Variants in SPOCK1 observed in about 807,000 individuals in gnomAD.
SPOCK1 encodes the protein SPARC (osteonectin), cwcv and kazal like domains proteoglycan 1, also known as testican-1.
Under a neutral mutation model 55.3 loss-of-function variants are expected in SPOCK1, and 23 were observed. The observed-to-expected ratio is 0.42, with a 90% confidence interval of 0.30 to 0.59. The LOEUF (loss-of-function observed/expected upper bound fraction) is 0.59, where lower values mean the gene tolerates loss of function less well. Among genes scored for constraint, SPOCK1 ranks in the 20% least tolerant of loss-of-function variants. SPOCK1 has a pLI of 0.22. For synonymous variants in SPOCK1, 226 were observed against 221.0 expected, an observed-to-expected ratio of 1.02 and a Z score of -0.20; for missense variants, 499 against 552.5, an observed-to-expected ratio of 0.90 and a Z score of 0.97.
chr5:137,081,555 T>C (rs996345662), intron 5 of SPOCK1, among the ~76,000 whole-genome samples: 5 of 152,230 alleles, frequency 3.3e-5, no homozygotes, highest in African/African-American at 1.2e-4. Context: ...CTTTCTCCCC[T>C]ATCACTTGCT....
intron 6 of SPOCK1, among the ~76,000 whole-genome samples, chr5:136,997,964 C>T (rs1283532689): frequency 6.6e-6 from 1 of 152,176 alleles, no homozygotes; most frequent in Non-Finnish European, 1.5e-5. Flanking sequence ...TGAATAGAAT[C>T]ACCCTTTTAC....
At chr5:137,109,871 A>T (rs1753434450) in intron 5 of SPOCK1, among the ~76,000 whole-genome samples, 1 of 152,212 alleles carries the variant, frequency 6.6e-6, no homozygotes, top group African/African-American at 2.4e-5. Flanking sequence ...ACTATGCTTC[A>T]TAGTACTTAC....
chr5:137,008,070 A>G (rs1429719497), intron 6 of SPOCK1, among the ~76,000 whole-genome samples: 1 of 150,874 alleles, frequency 6.6e-6, no homozygotes, highest in Non-Finnish European at 1.5e-5. Flanking sequence ...GTTCTCACTC[A>G]TAAGTGGGAG....
intron 2 of SPOCK1, among the ~76,000 whole-genome samples, chr5:137,355,373 G>A (rs574282672): frequency 4.6e-5 from 7 of 152,064 alleles, no homozygotes; most frequent in Non-Finnish European, 8.8e-5. Flanking sequence ...ATTTTTTGTA[G>A]AGGCAGGGTC....
intron 2 of SPOCK1, among the ~76,000 whole-genome samples, chr5:137,283,874 G>A (rs1757217483): frequency 6.6e-6 from 1 of 152,196 alleles, no homozygotes; most frequent in Admixed American, 6.5e-5. Flanking sequence ...GGCCCAGTAG[G>A]CAGCAGAGCA....
intron 2 of SPOCK1, 47 bp from the exon 3 acceptor site, chr5:137,267,102 T>C (rs1756872153): frequency 6.6e-6 from 10 of 1,520,234 alleles, no homozygotes; most frequent in Non-Finnish European, 9.1e-6. Flanking sequence ...TCAAAAAGCT[T>C]CTCACATAAC....
intron 3 of SPOCK1, among the ~76,000 whole-genome samples, chr5:137,237,721 T>C (rs1369019637): frequency 6.6e-6 from 1 of 152,234 alleles, no homozygotes; most frequent in Non-Finnish European, 1.5e-5. Flanking sequence ...ATGCAGTCTC[T>C]AAGGCACTGG....
At chr5:137,216,820 G>T (rs996063956) in intron 3 of SPOCK1, among the ~76,000 whole-genome samples, 1 of 152,246 alleles carries the variant, frequency 6.6e-6, no homozygotes, top group Admixed American at 6.5e-5. Flanking sequence ...GGTCGGGGGT[G>T]TGTTGTGAAA....
At chr5:137,381,251 G>A (rs1414387712) in intron 2 of SPOCK1, among the ~76,000 whole-genome samples, 1 of 152,206 alleles carries the variant, frequency 6.6e-6, no homozygotes, top group Non-Finnish European at 1.5e-5. Flanking sequence ...CAGTCCCCAT[G>A]GCTGTTTCAT....
chr5:137,233,841 T>A (rs1453685418), intron 3 of SPOCK1, among the ~76,000 whole-genome samples: 3 of 151,722 alleles, frequency 2.0e-5, no homozygotes, highest in African/African-American at 7.3e-5. Flanking sequence ...TACACAACTA[T>A]GTGATCTGCC....
intron 6 of SPOCK1, among the ~76,000 whole-genome samples, chr5:137,029,521 G>A (rs1388239534): frequency 6.6e-6 from 1 of 152,202 alleles, no homozygotes; most frequent in Non-Finnish European, 1.5e-5. Context: ...AGTTAAGTAA[G>A]GCACCCAAGA....
intron 2 of SPOCK1, among the ~76,000 whole-genome samples, chr5:137,416,982 T>C (rs548355242): frequency 2.0e-5 from 3 of 152,288 alleles, no homozygotes; most frequent in African/African-American, 7.2e-5. Flanking sequence ...TATTTTGTCC[T>C]CTCATTGTGA....
At chr5:137,071,709 G>A (rs1268469619) in intron 5 of SPOCK1, among the ~76,000 whole-genome samples, 1 of 152,160 alleles carries the variant, frequency 6.6e-6, no homozygotes, top group Non-Finnish European at 1.5e-5. Context: ...GGTTGAGAGT[G>A]TGAAGCTCTG....
At chr5:137,473,546 A>G (rs759115727) in intron 2 of SPOCK1, among the ~76,000 whole-genome samples, 2 of 152,224 alleles carry the variant, frequency 1.3e-5, no homozygotes, top group African/African-American at 2.4e-5. Context: ...ATTCCTCTCT[A>G]TATAGTTTTG....
chr5:137,217,297 A>G (rs1755735540), intron 3 of SPOCK1, among the ~76,000 whole-genome samples: 1 of 152,234 alleles, frequency 6.6e-6, no homozygotes, highest in South Asian at 2.1e-4. Context: ...CTCATCCAGC[A>G]TTAACTCCTC....
intron 3 of SPOCK1, among the ~76,000 whole-genome samples, chr5:137,235,964 T>C (rs1335130667): frequency 6.6e-6 from 1 of 152,234 alleles, no homozygotes; most frequent in African/African-American, 2.4e-5. Flanking sequence ...ATTTTGCAAG[T>C]CCAGCATCAT....
At chr5:137,036,719 C>T (rs1438916683) in intron 6 of SPOCK1, among the ~76,000 whole-genome samples, 1 of 152,190 alleles carries the variant, frequency 6.6e-6, no homozygotes, top group African/African-American at 2.4e-5. Flanking sequence ...GGAGGGAGGC[C>T]CCTCCACCTC....
chr5:137,463,511 G>C (rs1291788913), intron 2 of SPOCK1, among the ~76,000 whole-genome samples: 1 of 150,256 alleles, frequency 6.7e-6, no homozygotes, highest in Non-Finnish European at 1.5e-5. Context: ...AGTTGCCAGA[G>C]GCTGGCAAGG....
At chr5:137,405,484 G>A (rs1752078629) in intron 2 of SPOCK1, among the ~76,000 whole-genome samples, 1 of 152,092 alleles carries the variant, frequency 6.6e-6, no homozygotes, top group Admixed American at 6.5e-5. Context: ...TCCTCCTGCG[G>A]GTAGCCCAGG....
Sources: gnomAD v4.1 joint callset for allele counts (sites outside exome capture counted in the v4.1 genomes callset) on GRCh38, gnomAD v4.1.1 for gene constraint, MANE v1.5 for transcripts, NCBI Gene and HGNC (gene_info 2026-07-23, HGNC 2026-07-21) for gene names.